The following CPA6 variants were observed in gnomAD, a reference collection of about 807,000 sequenced individuals.
CPA6 encodes the protein carboxypeptidase A6.
A neutral mutation model predicts 63.3 loss-of-function variants in CPA6; 58 were observed. That is an observed-to-expected ratio of 0.92 (90% CI 0.74 to 1.14). The LOEUF (loss-of-function observed/expected upper bound fraction) is 1.14, where lower values mean the gene tolerates loss of function less well. Ranked by LOEUF, CPA6 falls within the 50% of genes most tolerant of loss-of-function variation. The pLI is 0.00. For synonymous variants in CPA6, 185 were observed against 179.0 expected, an observed-to-expected ratio of 1.03 and a Z score of -0.27; for missense variants, 565 against 526.6, an observed-to-expected ratio of 1.07 and a Z score of -0.71.
intron 2 of CPA6, among the ~76,000 whole-genome samples, chr8:67,531,607 A>C (rs1812479320): frequency 6.6e-6 from 1 of 152,088 alleles, no homozygotes; most frequent in Non-Finnish European, 1.5e-5. Flanking sequence ...CTGACAAACC[A>C]CTCAATTTAC....
At chr8:67,620,502 C>T (rs1815054864) in intron 2 of CPA6, among the ~76,000 whole-genome samples, 1 of 152,168 alleles carries the variant, frequency 6.6e-6, no homozygotes, top group African/African-American at 2.4e-5. Context: ...GCAAACCCTC[C>T]TTCTTCCCTT....
chr8:67,517,288 G>A (rs1812165375), intron 3 of CPA6, among the ~76,000 whole-genome samples: 1 of 151,868 alleles, frequency 6.6e-6, no homozygotes, highest in African/African-American at 2.4e-5. Flanking sequence ...TAATGCTCTC[G>A]TGATCCTACT....
chr8:67,425,326 C>T (rs546218182), intron 10 of CPA6, among the ~76,000 whole-genome samples: 5 of 152,022 alleles, frequency 3.3e-5, no homozygotes, highest in South Asian at 4.2e-4. Context: ...CAAAAAATAA[C>T]GCTTTTATGC....
intron 6 of CPA6, among the ~76,000 whole-genome samples, chr8:67,497,662 T>C (rs972820692): frequency 2.0e-5 from 3 of 152,140 alleles, no homozygotes; most frequent in African/African-American, 7.2e-5. Context: ...GCCATACTGT[T>C]TTCAACCCTA....
chr8:67,578,888 G>A (rs1015823735), intron 2 of CPA6, among the ~76,000 whole-genome samples: 3 of 151,896 alleles, frequency 2.0e-5, no homozygotes, highest in Admixed American at 6.5e-5. Context: ...ATTAATTTAA[G>A]TAACACAGGA....
At chr8:67,732,263 C>T (rs750459728) in intron 1 of CPA6, among the ~76,000 whole-genome samples, 29 of 152,186 alleles carry the variant, frequency 1.9e-4, no homozygotes, top group South Asian at 2.1e-4. Flanking sequence ...CCTCCGAAAG[C>T]CGTAAGGGCA....
At chr8:67,439,266 C>T (rs887392074) in intron 8 of CPA6, among the ~76,000 whole-genome samples, 1 of 152,008 alleles carries the variant, frequency 6.6e-6, no homozygotes, top group African/African-American at 2.4e-5. Context: ...GCACTCTAGT[C>T]TGGGTGACAG....
intron 1 of CPA6, among the ~76,000 whole-genome samples, chr8:67,663,374 AATTTTT>A (rs1234759146): frequency 1.3e-5 from 2 of 151,986 alleles, no homozygotes; most frequent in Non-Finnish European, 2.9e-5. Flanking sequence ...TTTTTATTTT[AATTTTT>A]AAGTTCTGGG....
At chr8:67,685,393 G>A (rs1008991698) in intron 1 of CPA6, among the ~76,000 whole-genome samples, 1 of 152,126 alleles carries the variant, frequency 6.6e-6, no homozygotes, top group Non-Finnish European at 1.5e-5. Flanking sequence ...CGAGGCAGGT[G>A]GATCACGAGG....
chr8:67,682,591 G>A (rs1411922070), intron 1 of CPA6, among the ~76,000 whole-genome samples: 1 of 152,174 alleles, frequency 6.6e-6, no homozygotes, highest in Non-Finnish European at 1.5e-5. Context: ...ATGGGAATTT[G>A]ACTTTGTTGG....
intron 1 of CPA6, among the ~76,000 whole-genome samples, chr8:67,658,471 T>A (rs1468141012): frequency 3.3e-5 from 5 of 152,200 alleles, no homozygotes; most frequent in Non-Finnish European, 7.3e-5. Context: ...TACCCACCTC[T>A]AAACATCATT....
chr8:67,503,635 A>G (rs1359901979), intron 6 of CPA6, among the ~76,000 whole-genome samples: 1 of 151,936 alleles, frequency 6.6e-6, no homozygotes, highest in Non-Finnish European at 1.5e-5. Context: ...GTTCCTTTCC[A>G]TTAGTTATTT....
At chr8:67,525,443 T>C (rs886098116) in intron 2 of CPA6, among the ~76,000 whole-genome samples, 2 of 152,134 alleles carry the variant, frequency 1.3e-5, no homozygotes, top group African/African-American at 4.8e-5. Context: ...GAATATAAAT[T>C]TCAATATAAT....
chr8:67,458,630 T>A (rs190500373), intron 8 of CPA6, among the ~76,000 whole-genome samples: 43 of 152,282 alleles, frequency 2.8e-4, no homozygotes, highest in African/African-American at 9.9e-4. Context: ...GGCCACAGAA[T>A]GGGAGAGAAC....
chr8:67,573,726 A>T (rs1813546990), intron 2 of CPA6, among the ~76,000 whole-genome samples: 1 of 151,674 alleles, frequency 6.6e-6, no homozygotes, highest in South Asian at 2.1e-4. Context: ...CCCTGTCTCT[A>T]CTAAAAATAC....
intron 6 of CPA6, among the ~76,000 whole-genome samples, chr8:67,497,069 G>A (rs921305404): frequency 6.6e-6 from 1 of 152,120 alleles, no homozygotes; most frequent in African/African-American, 2.4e-5. Context: ...ATTCATGTAT[G>A]TTGTAGCATG....
rs1458984271 is a variant in CPA6, at chr8:67,422,655, T to G, written c.1163A>C (p.Lys388Thr). The change falls in exon 11 of 11, where the codon AAA becomes ACA. Residue 388 changes from lysine (K) to threonine (T), a missense_variant. Physicochemically the swap from Lys to Thr is moderately conservative, Grantham distance 78. Coordinates refer to ENST00000297770, the MANE Select transcript of CPA6 (RefSeq NM_020361.5). ...SSGSSMDWAY[K>T]NGIPYAFAFE... ...AGCAAATGCATAAGGTATTCCATTT[T>G]TGTAGGCCCAATCCATTGAGCTACC... The G allele has an allele frequency of 1.2e-6, 2 of 1,614,086 alleles. No homozygotes were observed. Among genetic ancestry groups the G allele is most frequent in the East Asian group, 4.5e-5 (2 of 44,882 alleles).
At chr8:67,675,570 G>A (rs1329624892) in intron 1 of CPA6, among the ~76,000 whole-genome samples, 4 of 152,058 alleles carry the variant, frequency 2.6e-5, no homozygotes, top group Non-Finnish European at 5.9e-5. Flanking sequence ...CCTATTGCCC[G>A]AGGCACTCAG....
chr8:67,577,900 C>G (rs1262089896), intron 2 of CPA6, among the ~76,000 whole-genome samples: 1 of 152,132 alleles, frequency 6.6e-6, no homozygotes, highest in Non-Finnish European at 1.5e-5. Context: ...TACGAATTGT[C>G]TACCCAGTAC....
Sources: allele counts gnomAD v4.1 joint callset (sites outside exome capture counted in the v4.1 genomes callset), GRCh38; gene constraint gnomAD v4.1.1; transcripts MANE v1.5; gene names NCBI Gene and HGNC (gene_info 2026-07-23, HGNC 2026-07-21).